The following GNAQ variants were observed in gnomAD, a reference collection of about 807,000 sequenced individuals.
GNAQ encodes G protein subunit alpha q.
A neutral mutation model predicts 43.9 loss-of-function variants in GNAQ; 8 were observed. That is an observed-to-expected ratio of 0.18 (90% CI 0.11 to 0.33). GNAQ has a LOEUF of 0.33. Ranked by LOEUF, GNAQ falls within the 10% of genes least tolerant of loss-of-function variation. The pLI is 1.00. For missense variants in GNAQ, 158 were observed against 450.8 expected, an observed-to-expected ratio of 0.35 and a Z score of 5.88; for synonymous variants, 155 against 170.7, an observed-to-expected ratio of 0.91 and a Z score of 0.71.
At chr9:77,734,129 T>A (rs923492820) in intron 5 of GNAQ, among the ~76,000 whole-genome samples, 3 of 152,188 alleles carry the variant, frequency 2.0e-5, no homozygotes, top group East Asian at 3.9e-4. Context: ...GCTTTCCTTA[T>A]CCCCCTCCAC....
chr9:77,721,584 A>G lies in GNAQ; in HGVS notation c.890-71T>C, dbSNP rs559066778. On this transcript the variant is annotated intron_variant, in intron 6 of 6. Transcript: ENST00000286548. Reference sequence around the variant, plus strand: ...AATGTATTCAATCATCATTGGTTCAATAAATACTGTGTCATTGCTCATGAA... The same window carrying G: ...AATGTATTCAATCATCATTGGTTCAGTAAATACTGTGTCATTGCTCATGAA... The G allele has an allele frequency of 8.7e-5, 77 of 884,234 alleles. No individual in the cohort carries two copies. In the South Asian group the frequency reaches 1.1e-3, roughly 13 times the overall value. The allele number at this position is 884,234 out of a possible 1,614,324, so 54.8% of individuals were successfully genotyped here.
chr9:77,973,974 A>AC (rs1177822127), intron 1 of GNAQ, among the ~76,000 whole-genome samples: 1 of 152,176 alleles, frequency 6.6e-6, no homozygotes, highest in Admixed American at 6.5e-5. Flanking sequence ...CTATATACTT[A>AC]GATTCTTACA....
chr9:78,001,245 A>G (rs530934003), intron 1 of GNAQ, among the ~76,000 whole-genome samples: 1 of 151,812 alleles, frequency 6.6e-6, no homozygotes, highest in Non-Finnish European at 1.5e-5. Context: ...TAAAAATACA[A>G]AAAAAAATTG....
chr9:77,764,203 T>C (rs992709678), intron 5 of GNAQ, among the ~76,000 whole-genome samples: 4 of 152,210 alleles, frequency 2.6e-5, no homozygotes, highest in African/African-American at 9.6e-5. Context: ...ACTGAATTTC[T>C]ATATGATACT....
intron 2 of GNAQ, among the ~76,000 whole-genome samples, chr9:77,887,623 G>A (rs1828330988): frequency 1.3e-5 from 2 of 152,220 alleles, no homozygotes; most frequent in Non-Finnish European, 2.9e-5. Flanking sequence ...ACTTCCAGCA[G>A]TGCCTGCTTG....
At chr9:77,788,130 T>C (rs1826513133) in intron 5 of GNAQ, among the ~76,000 whole-genome samples, 1 of 152,160 alleles carries the variant, frequency 6.6e-6, no homozygotes, top group Admixed American at 6.5e-5. Flanking sequence ...AATTTCCATA[T>C]GTGTAACAGT....
intron 2 of GNAQ, among the ~76,000 whole-genome samples, chr9:77,896,830 C>G (rs1243196973): frequency 6.6e-6 from 1 of 152,210 alleles, no homozygotes; most frequent in East Asian, 1.9e-4. Context: ...TTACTATGCA[C>G]TTCAGAACAT....
At chr9:77,939,454 G>C (rs1380817287) in intron 1 of GNAQ, among the ~76,000 whole-genome samples, 1 of 152,176 alleles carries the variant, frequency 6.6e-6, no homozygotes, top group Non-Finnish European at 1.5e-5. Context: ...AAACTGAAGA[G>C]TACAGTTGAT....
rs112123566 is a variant in GNAQ at position 77,815,511 on chromosome 9, C to G, written c.476+105G>C. On this transcript the variant is annotated intron_variant, in intron 3 of 6. Coordinates refer to ENST00000286548, the MANE Select transcript of GNAQ (RefSeq NM_002072.5). ...ATTCCCTAACTTTTAAAGTTTTAAT[C>G]ATATATGACATATACAGGACAGAAT... is the stretch of plus-strand genomic sequence containing the variant. 72 of 651,614 alleles carry G rather than the reference C, an allele frequency of 1.1e-4. 5 individuals carry two copies. Among genetic ancestry groups the G allele is most frequent in the African/African-American group, 9.3e-4 (50 of 53,758 alleles). 40.4% of individuals were successfully genotyped at this position (651,614 alleles called of 1,614,324 possible). A position where few individuals can be genotyped will look rare whatever the true frequency, so the allele number is the denominator to read the frequency against.
chr9:78,025,848 A>T (rs2118616795), intron 1 of GNAQ, among the ~76,000 whole-genome samples: 1 of 152,304 alleles, frequency 6.6e-6, no homozygotes, highest in East Asian at 1.9e-4. Context: ...TCCTTAGAGA[A>T]TCTTGTTAAT....
intron 1 of GNAQ, among the ~76,000 whole-genome samples, chr9:77,932,920 T>C (rs1484771375): frequency 6.6e-6 from 1 of 151,438 alleles, no homozygotes; most frequent in Non-Finnish European, 1.5e-5. Flanking sequence ...AGGGGAGGGA[T>C]AGTTTGGAGA....
intron 1 of GNAQ, among the ~76,000 whole-genome samples, chr9:77,945,721 T>C (rs1207753467): frequency 2.0e-5 from 3 of 152,186 alleles, no homozygotes; most frequent in East Asian, 1.9e-4. Context: ...AGGGATAATA[T>C]AGTTAAATTT....
chr9:77,723,946 A>C (rs941460344), intron 6 of GNAQ, among the ~76,000 whole-genome samples: 1 of 152,198 alleles, frequency 6.6e-6, no homozygotes, highest in African/African-American at 2.4e-5. Flanking sequence ...GTACTATATC[A>C]AAACCCACTG....
At position 77,761,072 on chromosome 9, in the gene GNAQ, G is replaced by A. The variant is rs1826001660; in HGVS notation, c.736-32405C>T. On this transcript the variant is annotated intron_variant, in intron 5 of 6. Coordinates refer to ENST00000286548, the MANE Select transcript of GNAQ (RefSeq NM_002072.5). ...CCGGCAGCCACCCCATCTGGGAAGT[G>A]AGGAGCGTCTCTGCCCGGCAGCCGC... 2.6e-5 allele frequency among the ~76,000 whole-genome samples: 4 copies of A among 152,196 alleles called. No individual in the cohort carries two copies. The South Asian group carries it at 8.3e-4, about 31-fold the overall frequency.
chr9:77,919,560 G>A (rs1169159948), intron 2 of GNAQ, among the ~76,000 whole-genome samples: 1 of 152,080 alleles, frequency 6.6e-6, no homozygotes, highest in African/African-American at 2.4e-5. Flanking sequence ...ATAAACAAAG[G>A]CAACAAGTGG....
At chr9:77,837,419 T>C (rs1164760612) in intron 2 of GNAQ, among the ~76,000 whole-genome samples, 1 of 151,924 alleles carries the variant, frequency 6.6e-6, no homozygotes, top group African/African-American at 2.4e-5. Flanking sequence ...CCGGGTGAGG[T>C]GGTGCTCACC....
chr9:77,993,064 T>C (rs1823528256), intron 1 of GNAQ, among the ~76,000 whole-genome samples: 1 of 152,236 alleles, frequency 6.6e-6, no homozygotes, highest in Non-Finnish European at 1.5e-5. Flanking sequence ...TTAGCTAAAA[T>C]ATCTATCTTA....
In GNAQ at chr9:77,802,545, C is replaced by T. The variant is rs149901564; in HGVS notation, c.477-4897G>A. 1.0e-2 allele frequency among the ~76,000 whole-genome samples: 1,513 copies of T among 151,674 alleles called. 21 individuals carry two copies. Among genetic ancestry groups the T allele is most frequent in the Middle Eastern group, 0.031 (9 of 294 alleles). ...TTCATGTTAAATTATTCCATTCATT[C>T]GACCTTTTAAAAAAAAAACCACACC... On this transcript the variant is annotated intron_variant, in intron 3 of 6. Coordinates refer to ENST00000286548, the MANE Select transcript of GNAQ (RefSeq NM_002072.5).
At chr9:77,955,872 G>A (rs28431426) in intron 1 of GNAQ, among the ~76,000 whole-genome samples, 1,686 of 152,226 alleles carry the variant, frequency 0.011, 40 homozygotes, top group African/African-American at 0.039. Flanking sequence ...ATCACATAAA[G>A]CTGTCTGACA....
Sources: allele counts gnomAD v4.1 joint callset (sites outside exome capture counted in the v4.1 genomes callset), GRCh38; gene constraint gnomAD v4.1.1; transcripts MANE v1.5; gene names NCBI Gene and HGNC (gene_info 2026-07-23, HGNC 2026-07-21).